Variants in SRGAP3 observed in about 807,000 individuals in gnomAD.
SRGAP3 encodes the protein SLIT-ROBO Rho GTPase-activating protein 3.
Under a neutral mutation model 121.1 loss-of-function variants are expected in SRGAP3, and 39 were observed. That is an observed-to-expected ratio of 0.32 (90% CI 0.25 to 0.42). SRGAP3 has a LOEUF of 0.42. SRGAP3 is among the 10% of genes least tolerant of loss of function. The pLI is 1.00. For synonymous variants in SRGAP3, 601 were observed against 570.0 expected, an observed-to-expected ratio of 1.05 and a Z score of -0.77; for missense variants, 1,213 against 1,470.6, an observed-to-expected ratio of 0.82 and a Z score of 2.86.
intron 12 of SRGAP3, among the ~76,000 whole-genome samples, chr3:9,029,331 T>C (rs1217699787): frequency 1.3e-5 from 2 of 152,186 alleles, no homozygotes; most frequent in Non-Finnish European, 2.9e-5. Flanking sequence ...TCTCCCCTTG[T>C]CCCAGAGGTG....
At chr3:9,155,321 TGA>T (rs1024350949) in intron 1 of SRGAP3, among the ~76,000 whole-genome samples, 12 of 152,222 alleles carry the variant, frequency 7.9e-5, no homozygotes, top group African/African-American at 2.4e-4. Flanking sequence ...CTGGAGGCTT[TGA>T]GAGTCTCTCT....
chr3:9,013,119 C>T (rs944012340), intron 17 of SRGAP3, among the ~76,000 whole-genome samples, 189 bp downstream of exon 17: 4 of 152,106 alleles, frequency 2.6e-5, no homozygotes, highest in Admixed American at 1.3e-4. Context: ...ATGTCTGTCC[C>T]TTGTAACCAA....
At position 8,982,406 on chromosome 3, in the gene SRGAP3, G is replaced by A. The variant is rs1382506915; in HGVS notation, c.*3113C>T. ...GGTTATATTGAAGACTACTAACTAG[G>A]TTACTACATTTCCCCCACACTCACT... On this transcript the variant is annotated 3_prime_UTR_variant, in exon 22 of 22. Transcript: ENST00000383836. 2 of 224,702 alleles carry A rather than the reference G, an allele frequency of 8.9e-6. No individual in the cohort carries two copies. The highest frequency in any genetic ancestry group is 1.8e-5 in the Non-Finnish European group (2 of 112,496). 13.9% of individuals were successfully genotyped at this position (224,702 alleles called of 1,614,324 possible).
intron 3 of SRGAP3, among the ~76,000 whole-genome samples, chr3:9,288,142 T>TTC (rs1954809585): frequency 6.6e-6 from 1 of 150,652 alleles, no homozygotes; most frequent in Admixed American, 6.6e-5. Flanking sequence ...TTTTTTTTTT[T>TTC]TTTTTTCTTT....
chr3:9,050,760 C>T (rs2036992), intron 9 of SRGAP3, among the ~76,000 whole-genome samples: 93,489 of 152,124 alleles, frequency 0.61, 30,462 homozygotes, highest in African/African-American at 0.85. Context: ...GTTGTAACCA[C>T]AAATTCTCTT....
intron 3 of SRGAP3, among the ~76,000 whole-genome samples, chr3:9,278,095 T>G (rs1954616038): frequency 6.6e-6 from 1 of 152,214 alleles, no homozygotes; most frequent in African/African-American, 2.4e-5. Context: ...GAGAAATACA[T>G]GGTTGTTGTT....
At position 9,343,417 on chromosome 3, in the gene SRGAP3, A is replaced by G. The variant is rs537802707; in HGVS notation, n.215-12821T>C. 5.3e-5 allele frequency among the ~76,000 whole-genome samples: 8 copies of G among 152,202 alleles called. No individual in the cohort carries two copies. The South Asian group carries it at 1.7e-3, about 32-fold the overall frequency. On this transcript the variant is annotated intron_variant and non_coding_transcript_variant, in intron 1 of 3. Coordinates refer to the SRGAP3 transcript ENST00000490889. ...GCCTTTTTCCCGAACTACTACAACA[A>G]TCTCTCATCCAGTCTCTCTCATTCA...
At chr3:9,354,301 CCT>C (rs1430673945) in intron 1 of SRGAP3, among the ~76,000 whole-genome samples, 1 of 152,128 alleles carries the variant, frequency 6.6e-6, no homozygotes, top group Non-Finnish European at 1.5e-5. Context: ...ACAGTCCTTG[CCT>C]CTCTCTGCAG....
At chr3:9,345,149 C>G (rs1165773961) in intron 1 of SRGAP3, among the ~76,000 whole-genome samples, 1 of 152,160 alleles carries the variant, frequency 6.6e-6, no homozygotes, top group Non-Finnish European at 1.5e-5. Context: ...TTTTAATGTA[C>G]AAGCCAGATT....
intron 3 of SRGAP3, among the ~76,000 whole-genome samples, chr3:9,260,695 T>G (rs1400160935): frequency 6.6e-6 from 1 of 152,164 alleles, no homozygotes; most frequent in South Asian, 2.1e-4. Flanking sequence ...ACAGAGAACC[T>G]GGGGGAAGGG....
chr3:9,318,874 A>G (rs888259782), intron 3 of SRGAP3, among the ~76,000 whole-genome samples: 31 of 151,636 alleles, frequency 2.0e-4, no homozygotes, highest in Middle Eastern at 3.4e-3. Flanking sequence ...CTGAGACCGC[A>G]TCTCAAGAAA....
chr3:9,321,332 T>A (rs1955435541), intron 3 of SRGAP3, among the ~76,000 whole-genome samples: 1 of 152,006 alleles, frequency 6.6e-6, no homozygotes. Context: ...ATAGAAATCA[T>A]GAGTGATCAT....
chr3:9,137,250 C>T (rs138320316), intron 1 of SRGAP3, among the ~76,000 whole-genome samples: 4 of 152,240 alleles, frequency 2.6e-5, no homozygotes, highest in African/African-American at 7.2e-5. Flanking sequence ...CTCTGTCTTT[C>T]GCCACCTCAC....
chr3:9,095,268 G>A (rs1947922931), intron 3 of SRGAP3, among the ~76,000 whole-genome samples: 1 of 151,788 alleles, frequency 6.6e-6, no homozygotes, highest in South Asian at 2.1e-4. Context: ...TTGTATGGAA[G>A]ATTTTTTATT....
At chr3:9,059,057 C>T (rs1945990299) in intron 6 of SRGAP3, 1 of 154,868 alleles carries the variant, frequency 6.5e-6, no homozygotes, top group African/African-American at 2.4e-5. Flanking sequence ...CCTGGAATAC[C>T]CTTCTTTCGG....
chr3:9,037,251 G>A (rs11131157), intron 11 of SRGAP3: 22,903 of 152,136 alleles, frequency 0.15, 1,938 homozygotes, highest in Middle Eastern at 0.21. Context: ...CAGGCCTCTG[G>A]GCCACTGGCT....
intron 14 of SRGAP3, chr3:9,016,079 T>G (rs993069769): frequency 6.1e-6 from 2 of 327,698 alleles, no homozygotes; most frequent in Admixed American, 4.5e-5. Context: ...ACACCACCGC[T>G]AACTACTTCA....
At chr3:9,018,489 C>T (rs1943750672) in intron 14 of SRGAP3, among the ~76,000 whole-genome samples, 1 of 152,110 alleles carries the variant, frequency 6.6e-6, no homozygotes, top group African/African-American at 2.4e-5. Context: ...ATAAGAGTTC[C>T]CTTTTCCCTG....
chr3:9,040,073 C>T (rs1278588490), intron 10 of SRGAP3, among the ~76,000 whole-genome samples: 2 of 152,114 alleles, frequency 1.3e-5, no homozygotes, highest in African/African-American at 4.8e-5. Context: ...TAAATTTGTC[C>T]ACTTCTCTCC....
Sources: gnomAD v4.1 joint callset for allele counts (sites outside exome capture counted in the v4.1 genomes callset) on GRCh38, gnomAD v4.1.1 for gene constraint, MANE v1.5 for transcripts, NCBI Gene and HGNC (gene_info 2026-07-23, HGNC 2026-07-21) for gene names.